CAPN9: variants seen among roughly 807,000 people sequenced by gnomAD.
CAPN9 encodes calpain-9.
CAPN9 carries 81 observed loss-of-function variants against 92.8 expected under a neutral mutation model. The ratio of observed to expected loss-of-function variants is 0.87; its 90% confidence interval spans 0.73 to 1.05. The LOEUF is 1.05. Ranked by LOEUF, CAPN9 falls within the 50% of genes least tolerant of loss-of-function variation. The pLI is 0.00. For missense variants in CAPN9, 848 were observed against 866.2 expected (o/e 0.98, Z 0.26); for synonymous variants, 304 against 328.0 (o/e 0.93, Z 0.79).
At position 230,780,655 on chromosome 1, in the gene CAPN9, C is replaced by A. The variant is rs768744335; in HGVS notation, c.1428C>A (p.His476Gln). The change falls in exon 11 of 20, where the codon CAC (histidine) becomes CAA (glutamine). Residue 476 changes from histidine to glutamine, a missense_variant. Transcript: ENST00000271971. ...YILIPSTFEP[H>Q]QEADFCLRIF... ...TGATTCCCAGCACTTTTGAGCCCCA[C>A]CAGGAAGCTGATTTCTGTCTGAGAA... 2.5e-6 allele frequency: 4 copies of A among 1,614,118 alleles called. No individual in the cohort carries two copies.
chr1:230,758,073 A>G (rs1665369668), intron 2 of CAPN9, among the ~76,000 whole-genome samples: 1 of 152,144 alleles, frequency 6.6e-6, no homozygotes, highest in Non-Finnish European at 1.5e-5. Context: ...GGCCCAAGAG[A>G]GAGAAAAGCA....
chr1:230,791,668 T>C (rs921297104), intron 14 of CAPN9, among the ~76,000 whole-genome samples, 196 bp from the exon 15 acceptor site: 12 of 152,228 alleles, frequency 7.9e-5, no homozygotes, highest in African/African-American at 2.9e-4. Flanking sequence ...CCCACTTTTA[T>C]TGCTTTTTTC....
At chr1:230,768,048 AT>A (rs1246053192) in intron 5 of CAPN9, among the ~76,000 whole-genome samples, 16 of 83,962 alleles carry the variant, frequency 1.9e-4, no homozygotes, top group South Asian at 8.5e-4. Flanking sequence ...AAATAAATAA[AT>A]AAATAAAAAA....
chr1:230,801,636 G>A lies in CAPN9; in HGVS notation c.*40G>A, dbSNP rs369096755. The A allele has an allele frequency of 6.2e-7, 1 of 1,601,872 alleles. No individual in the cohort carries two copies. The highest frequency in any genetic ancestry group is 1.3e-5 in the African/African-American group (1 of 74,738). On this transcript the variant is annotated 3_prime_UTR_variant, in exon 20 of 20. Coordinates refer to ENST00000271971, the MANE Select transcript of CAPN9 (RefSeq NM_006615.3). Reference sequence around the variant, plus strand: ...GATGCAGCCTGCCCAGCTGAATCTTGGCTTCTGGACCTTGACCTTCAGAAC... The same window carrying A: ...GATGCAGCCTGCCCAGCTGAATCTTAGCTTCTGGACCTTGACCTTCAGAAC...
intron 1 of CAPN9, among the ~76,000 whole-genome samples, 174 bp from the exon 2 acceptor site, chr1:230,755,163 T>G (rs549073120): frequency 6.6e-6 from 1 of 152,274 alleles, no homozygotes; most frequent in African/African-American, 2.4e-5. Flanking sequence ...CCCAGCCTTA[T>G]CCAGAGCATA....
chr1:230,775,856 G>T (rs577421622), intron 8 of CAPN9, among the ~76,000 whole-genome samples: 3 of 150,512 alleles, frequency 2.0e-5, no homozygotes, highest in Admixed American at 6.6e-5. Context: ...GGTGGAGCTT[G>T]CAGTGAGCCG....
rs1665720200 is a variant in CAPN9, at chr1:230,762,714, A to G, written c.464A>G (p.Asp155Gly). Residue 155 changes from aspartate (D) to glycine (G), a missense_variant, in exon 4 of 20, where the codon GAC becomes GGC. Physicochemically the swap from Asp to Gly is moderately conservative, Grantham distance 94. Coordinates refer to ENST00000271971, the MANE Select transcript of CAPN9 (RefSeq NM_006615.3). ...GATGACCGCCTGCCCACCTTCAGGG[A>G]CCGCTTGGTTTTCCTCCACTCTGCC... ...VIDDRLPTFRDRLVFLHSADH... is the reference protein window; with the variant it reads ...VIDDRLPTFRGRLVFLHSADH... 1 of 1,614,098 alleles carries G rather than the reference A, an allele frequency of 6.2e-7. No individual in the cohort carries two copies. The highest frequency in any genetic ancestry group is 8.5e-7 in the Non-Finnish European group (1 of 1,180,002).
chr1:230,786,215 G>T, intron 12 of CAPN9, 198 bp downstream of exon 12: 3 of 978,204 alleles, frequency 3.1e-6, no homozygotes, highest in Non-Finnish European at 3.6e-6. Context: ...CAAGGACCTG[G>T]CATGGGAGTG....
chr1:230,795,239 T>C lies in CAPN9; in HGVS notation c.1947T>C (p.Asp649=), dbSNP rs1434595984. The stretch of plus-strand genomic sequence containing the variant: ...ATGAGGAGCTCCAGCTGGACTTCGA[T>C]GACTTCCTCAACTGCCTGGTCCGGC... ...YADEELQLDF[D]DFLNCLVRLE... Residue 649 remains aspartate (D), a synonymous_variant, in exon 18 of 20, where the codon GAT becomes GAC. Coordinates refer to ENST00000271971, the MANE Select transcript of CAPN9 (RefSeq NM_006615.3). 2 of 1,613,480 alleles carry C rather than the reference T, an allele frequency of 1.2e-6. No homozygotes were observed. Among genetic ancestry groups the C allele is most frequent in the South Asian group, 1.1e-5 (1 of 91,002 alleles).
chr1:230,788,047 C>A (rs961380220), intron 13 of CAPN9, among the ~76,000 whole-genome samples: 3 of 152,138 alleles, frequency 2.0e-5, no homozygotes, highest in Non-Finnish European at 4.4e-5. Context: ...AATAAAGAGT[C>A]TTGCTATGTT....
At chr1:230,765,402 T>C (rs1345223641) in intron 4 of CAPN9, among the ~76,000 whole-genome samples, 1 of 152,146 alleles carries the variant, frequency 6.6e-6, no homozygotes, top group Non-Finnish European at 1.5e-5. Flanking sequence ...CTCACACCTG[T>C]AATCCCAGCA....
intron 12 of CAPN9, 138 bp from the exon 13 acceptor site, chr1:230,787,384 C>A: frequency 1.5e-6 from 1 of 657,372 alleles, no homozygotes; most frequent in Non-Finnish European, 2.7e-6. Context: ...CCTCACGCTA[C>A]AGGACGCAGC....
intron 2 of CAPN9, 37 bp from the exon 3 acceptor site, chr1:230,759,475 G>A (rs1665478048): frequency 2.1e-6 from 3 of 1,431,744 alleles, no homozygotes; most frequent in Non-Finnish European, 2.9e-6. Context: ...CTGTGAAATA[G>A]CAATGAAAAT....
intron 12 of CAPN9, 117 bp from the exon 13 acceptor site, chr1:230,787,405 T>C (rs2297830): frequency 0.19 from 147,196 of 763,638 alleles, 15,346 homozygotes; most frequent in African/African-American, 0.32. Context: ...TTGTGCACAC[T>C]GCCTCAGGAG....
intron 1 of CAPN9, among the ~76,000 whole-genome samples, chr1:230,753,395 C>T (rs1664976340): frequency 6.6e-6 from 1 of 152,140 alleles, no homozygotes; most frequent in African/African-American, 2.4e-5. Flanking sequence ...GGCAGGCGCC[C>T]CTGGTGTCTG....
At chr1:230,792,344 C>A (rs1325773543) in intron 15 of CAPN9, 82 bp from the exon 16 acceptor site, 1 of 1,205,242 alleles carries the variant, frequency 8.3e-7, no homozygotes, top group South Asian at 1.2e-5. Flanking sequence ...GGCCCTCCCC[C>A]TCTGCAGTCC....
At chr1:230,783,518 T>C (rs1667370695) in intron 11 of CAPN9, among the ~76,000 whole-genome samples, 1 of 152,220 alleles carries the variant, frequency 6.6e-6, no homozygotes. Context: ...CCACCCCTGC[T>C]CCTGCTTTTG....
At chr1:230,780,871 AT>A (rs140820012) in intron 11 of CAPN9, among the ~76,000 whole-genome samples, 163 bp downstream of exon 11, 1,684 of 148,378 alleles carry the variant, frequency 0.011, 29 homozygotes, top group African/African-American at 0.038. Flanking sequence ...TTTATTATTA[AT>A]TTTTTTTTTT....
chr1:230,768,819 G>A (rs1666186892), intron 5 of CAPN9, among the ~76,000 whole-genome samples: 1 of 152,134 alleles, frequency 6.6e-6, no homozygotes, highest in African/African-American at 2.4e-5. Flanking sequence ...ACGCAGAGCT[G>A]TGTGTCCTGT....
Sources: gnomAD v4.1 joint callset for allele counts (sites outside exome capture counted in the v4.1 genomes callset) on GRCh38, gnomAD v4.1.1 for gene constraint, MANE v1.5 for transcripts, NCBI Gene and HGNC (gene_info 2026-07-23, HGNC 2026-07-21) for gene names.